Variants in TRAK2 observed in about 807,000 individuals in gnomAD.
The protein encoded by TRAK2 is trafficking kinesin protein 2, also known as trafficking kinesin-binding protein 2.
TRAK2 carries 81 observed loss-of-function variants against 104.6 expected under a neutral mutation model. That is an observed-to-expected ratio of 0.77 (90% confidence interval 0.65 to 0.93). The LOEUF is 0.93. Among genes scored for constraint, TRAK2 ranks in the 40% least tolerant of loss-of-function variants. The pLI, the probability that TRAK2 is intolerant of heterozygous loss-of-function variation, is 0.00. For synonymous variants in TRAK2, 406 were observed against 394.4 expected, an observed-to-expected ratio of 1.03 and a Z score of -0.35; for missense variants, 1,002 against 1,089.0, an observed-to-expected ratio of 0.92 and a Z score of 1.12.
chr2:201,438,842 C>CTG (rs963990531), intron 1 of TRAK2, among the ~76,000 whole-genome samples: 3 of 152,186 alleles, frequency 2.0e-5, no homozygotes, highest in African/African-American at 7.2e-5. Context: ...GCAGAATAAT[C>CTG]TGTGTGTGTG....
rs1433196294 is a variant in TRAK2, at chr2:201,447,165, C to T, written c.-200+4185G>A. On this transcript the variant is annotated intron_variant, in intron 1 of 15. Coordinates refer to ENST00000332624, the MANE Select transcript of TRAK2 (RefSeq NM_015049.3). This position sits in a 1 kb window ranked among gnomAD's most constrained non-coding sequence, Gnocchi z 4.1. The stretch of plus-strand genomic sequence containing the variant: ...CAAATCTAATGCTTTTCCACTGCTA[C>T]AAACCACCTCCATCCCATCTTCCTT... 6.6e-6 allele frequency among the ~76,000 whole-genome samples: 1 copy of T among 152,204 alleles called. No homozygotes were observed. The highest frequency in any genetic ancestry group is 2.4e-5 in the African/African-American group (1 of 41,456).
At chr2:201,426,367 T>C (rs1339568285) in intron 1 of TRAK2, among the ~76,000 whole-genome samples, 2 of 152,172 alleles carry the variant, frequency 1.3e-5, no homozygotes, top group African/African-American at 2.4e-5. Context: ...GTCTACTTGA[T>C]GGAAAATAAG....
At chr2:201,397,450 C>T (rs376516270) in intron 7 of TRAK2, 52 bp downstream of exon 7, 2 of 1,318,782 alleles carry the variant, frequency 1.5e-6, no homozygotes, top group African/African-American at 1.5e-5. Flanking sequence ...GTGGAGATAC[C>T]CTACCAAAGA....
chr2:201,413,021 T>C, intron 2 of TRAK2: 2 of 777,854 alleles, frequency 2.6e-6, no homozygotes, highest in Non-Finnish European at 4.7e-6. Flanking sequence ...AAGTCGAGGG[T>C]GTTGAAGTCG....
At chr2:201,425,984 T>G (rs757380030) in intron 1 of TRAK2, among the ~76,000 whole-genome samples, 55 of 152,236 alleles carry the variant, frequency 3.6e-4, no homozygotes, top group Non-Finnish European at 6.6e-4. Flanking sequence ...TTTTAGTTCC[T>G]ATTTTTGTTT....
rs755905371 is a variant in TRAK2, at chr2:201,392,970, C to T, written c.1052G>A (p.Arg351His). Reference sequence around the variant, plus strand: ...ATGAGCAGTAGGGCCAGATCTACTACGAAGTTCCTTTATTTCTTCTTGGGA... The same window carrying T: ...ATGAGCAGTAGGGCCAGATCTACTATGAAGTTCCTTTATTTCTTCTTGGGA... ...HESQEEIKEL[R>H]SRSGPTAHLY... Residue 351 changes from arginine (R) to histidine (H), a missense_variant, in exon 10 of 16, where the codon CGT (arginine) becomes CAT (histidine). Physicochemically the swap from Arg to His is conservative, Grantham distance 29. Coordinates refer to ENST00000332624, the MANE Select transcript of TRAK2 (RefSeq NM_015049.3). The T allele has an allele frequency of 9.2e-5, 148 of 1,613,568 alleles. No individual in the cohort carries two copies. Among genetic ancestry groups the T allele is most frequent in the Non-Finnish European group, 1.2e-4 (141 of 1,179,802 alleles).
At position 201,380,859 on chromosome 2, in the gene TRAK2, G is replaced by A. The variant is rs1040578061; in HGVS notation, c.2429C>T (p.Thr810Ile). Residue 810 changes from threonine to isoleucine, a missense_variant, in exon 16 of 16, where the codon ACA becomes ATA. By Grantham distance (89) the Thr-to-Ile change is moderately conservative. Coordinates refer to ENST00000332624, the MANE Select transcript of TRAK2 (RefSeq NM_015049.3). The part of the protein sequence containing the change: ...ENFLASRPAE[T>I]FLQEMYGLRP... ...CAAGCCATACATCTCCTGGAGGAAT[G>A]TCTCAGCTGGTCGAGAGGCCAAAAA... 1.9e-6 allele frequency: 3 copies of A among 1,613,964 alleles called. No individual in the cohort carries two copies. Among genetic ancestry groups the A allele is most frequent in the Non-Finnish European group, 2.5e-6 (3 of 1,180,000 alleles).
chr2:201,409,670 C>T (rs187023609), intron 2 of TRAK2, among the ~76,000 whole-genome samples: 1 of 152,284 alleles, frequency 6.6e-6, no homozygotes, highest in Non-Finnish European at 1.5e-5. Flanking sequence ...TCTCTTTGTA[C>T]TAAACATTAG....
At chr2:201,411,891 G>T in intron 2 of TRAK2, 1 of 1,033,544 alleles carries the variant, frequency 9.7e-7, no homozygotes, top group Non-Finnish European at 1.5e-6. Context: ...TAGTCTATAA[G>T]ATTTGCAAAG....
intron 1 of TRAK2, among the ~76,000 whole-genome samples, chr2:201,421,918 A>G (rs1214821625): frequency 6.6e-6 from 1 of 151,910 alleles, no homozygotes; most frequent in East Asian, 1.9e-4. Flanking sequence ...GTGTGGTGGC[A>G]GGTGCCTGTA....
intron 1 of TRAK2, among the ~76,000 whole-genome samples, chr2:201,441,919 C>T (rs995674192): frequency 4.0e-5 from 6 of 151,338 alleles, no homozygotes; most frequent in African/African-American, 1.5e-4. Context: ...GTCTCGAACT[C>T]CTGACCTCGT....
At chr2:201,404,469 G>A (rs1054644403) in intron 3 of TRAK2, among the ~76,000 whole-genome samples, 1 of 152,146 alleles carries the variant, frequency 6.6e-6, no homozygotes, top group Non-Finnish European at 1.5e-5. Flanking sequence ...TGTAATGTTT[G>A]GAGAATCTAA....
At chr2:201,405,360 G>A (rs896390339) in intron 3 of TRAK2, among the ~76,000 whole-genome samples, 11 of 152,252 alleles carry the variant, frequency 7.2e-5, no homozygotes, top group Middle Eastern at 3.4e-3. Context: ...CACTCTCTCC[G>A]ATTCCTTAAT....
intron 9 of TRAK2, among the ~76,000 whole-genome samples, chr2:201,394,583 C>T (rs535918388): frequency 6.6e-6 from 1 of 152,220 alleles, no homozygotes; most frequent in East Asian, 1.9e-4. Context: ...TCAGGTGATC[C>T]ACCCACCTCG....
chr2:201,412,550 C>T, intron 2 of TRAK2: 1 of 1,264,586 alleles, frequency 7.9e-7, no homozygotes, highest in Non-Finnish European at 1.2e-6. Context: ...GCATACATAA[C>T]AGTTCCTAAA....
chr2:201,420,724 A>G lies in TRAK2; in HGVS notation c.-199-18T>C. 2.2e-6 allele frequency: 1 copy of G among 453,254 alleles called. No homozygotes were observed. Among genetic ancestry groups the G allele is most frequent in the East Asian group, 3.7e-5 (1 of 27,052 alleles). 28.1% of individuals were successfully genotyped at this position (453,254 alleles called of 1,614,324 possible). A position where few individuals can be genotyped will look rare whatever the true frequency, so the allele number is the denominator to read the frequency against. On this transcript the variant is annotated intron_variant, in intron 1 of 15. Transcript: ENST00000332624. ...GTCATGACCTAAAACAAAAACATCA[A>G]GTGACTAGAACTCAGCATGCTCTTT...
chr2:201,422,260 C>T (rs1951748271), intron 1 of TRAK2, among the ~76,000 whole-genome samples: 1 of 151,860 alleles, frequency 6.6e-6, no homozygotes, highest in Non-Finnish European at 1.5e-5. Flanking sequence ...AAAGCACATA[C>T]CACACAACTG....
chr2:201,395,256 G>C (rs751762948), intron 8 of TRAK2, 58 bp downstream of exon 8: 2 of 1,465,730 alleles, frequency 1.4e-6, no homozygotes, highest in Middle Eastern at 3.5e-4. Flanking sequence ...ACTTAGCATG[G>C]TGCAAGATAC....
intron 12 of TRAK2, among the ~76,000 whole-genome samples, chr2:201,388,276 T>C (rs1425513202): frequency 1.3e-5 from 2 of 152,220 alleles, no homozygotes; most frequent in African/African-American, 4.8e-5. Context: ...TTTATGAAAC[T>C]ACACATTCAA....
Sources: allele counts gnomAD v4.1 joint callset (sites outside exome capture counted in the v4.1 genomes callset), GRCh38; gene constraint gnomAD v4.1.1; non-coding constraint Gnocchi (gnomAD v3.1); transcripts MANE v1.5; gene names NCBI Gene and HGNC (gene_info 2026-07-23, HGNC 2026-07-21).